The following ELMO1 variants were observed in gnomAD, a reference collection of about 807,000 sequenced individuals.
ELMO1 encodes the protein engulfment and cell motility protein 1.
Under a neutral mutation model 98.9 loss-of-function variants are expected in ELMO1, and 26 were observed. The ratio of observed to expected loss-of-function variants is 0.26; its 90% CI spans 0.19 to 0.36. The LOEUF (loss-of-function observed/expected upper bound fraction) is 0.36, where lower values mean the gene tolerates loss of function less well. ELMO1 is among the 10% of genes least tolerant of loss of function. The pLI, the probability that ELMO1 is intolerant of heterozygous loss-of-function variation, is 1.00. For synonymous variants in ELMO1, 346 were observed against 346.0 expected, an observed-to-expected ratio of 1.00 and a Z score of 0.00; for missense variants, 627 against 935.2, an observed-to-expected ratio of 0.67 and a Z score of 4.30.
chr7:37,026,543 G>A (rs931261897), intron 15 of ELMO1, among the ~76,000 whole-genome samples: 2 of 152,050 alleles, frequency 1.3e-5, no homozygotes, highest in Non-Finnish European at 2.9e-5. Flanking sequence ...CCTTAGCAAG[G>A]CATTCAACAC....
At chr7:37,170,621 T>A (rs1790086562) in intron 13 of ELMO1, among the ~76,000 whole-genome samples, 1 of 151,542 alleles carries the variant, frequency 6.6e-6, no homozygotes, top group Non-Finnish European at 1.5e-5. Context: ...CTTGCTTTTT[T>A]TTTTTTTTGT....
intron 13 of ELMO1, among the ~76,000 whole-genome samples, chr7:37,192,494 T>C (rs1791654152): frequency 1.4e-5 from 1 of 71,176 alleles, no homozygotes; most frequent in Non-Finnish European, 2.7e-5. Context: ...CAAGACTCCA[T>C]CTCAAAAAAA....
At chr7:37,166,324 T>C (rs978415556) in intron 13 of ELMO1, among the ~76,000 whole-genome samples, 1 of 152,224 alleles carries the variant, frequency 6.6e-6, no homozygotes, top group Non-Finnish European at 1.5e-5. Context: ...GCGTTTTTTG[T>C]GTCTCTATTT....
chr7:37,124,234 A>G (rs1427783468), intron 14 of ELMO1, among the ~76,000 whole-genome samples: 2 of 152,240 alleles, frequency 1.3e-5, no homozygotes. Flanking sequence ...CAAGACAGGG[A>G]TGCACTCTCT....
chr7:37,400,144 T>G (rs923756922), intron 1 of ELMO1, among the ~76,000 whole-genome samples: 1 of 152,206 alleles, frequency 6.6e-6, no homozygotes, highest in African/African-American at 2.4e-5. Flanking sequence ...GAGTTATACA[T>G]TGTAAATGAG....
At chr7:36,871,269 C>T (rs1158156972) in intron 19 of ELMO1, among the ~76,000 whole-genome samples, 1 of 152,206 alleles carries the variant, frequency 6.6e-6, no homozygotes, top group Non-Finnish European at 1.5e-5. Flanking sequence ...CAGTGAGTGG[C>T]TCATGCCTGT....
intron 15 of ELMO1, among the ~76,000 whole-genome samples, chr7:37,091,154 C>T (rs142077334): frequency 1.3e-5 from 2 of 152,126 alleles, no homozygotes; most frequent in African/African-American, 4.8e-5. Context: ...GTCACCCAGG[C>T]TGGAGTACAA....
intron 16 of ELMO1, among the ~76,000 whole-genome samples, chr7:36,928,242 A>G (rs1785736832): frequency 6.6e-6 from 1 of 152,172 alleles, no homozygotes; most frequent in South Asian, 2.1e-4. Flanking sequence ...GTCTCCTGCC[A>G]CCTGTACTTC....
At chr7:37,184,096 C>T (rs1160796096) in intron 13 of ELMO1, among the ~76,000 whole-genome samples, 1 of 151,710 alleles carries the variant, frequency 6.6e-6, no homozygotes, top group Non-Finnish European at 1.5e-5. Context: ...ACATCTGGTT[C>T]ATCTGAGAGC....
intron 4 of ELMO1, among the ~76,000 whole-genome samples, chr7:37,294,473 C>T (rs748165917): frequency 7.9e-5 from 12 of 152,170 alleles, no homozygotes; most frequent in South Asian, 2.1e-4. Flanking sequence ...CTGATAATTG[C>T]GGGTGGGACT....
chr7:37,314,798 G>T (rs574430603), intron 4 of ELMO1, 52 bp downstream of exon 4: 8 of 1,536,804 alleles, frequency 5.2e-6, no homozygotes, highest in African/African-American at 4.1e-5. Context: ...ACATCATCAT[G>T]ATTTACTTTC....
rs569147851 is a variant in ELMO1 at position 37,083,071 on chromosome 7, C to T, written c.1300+13548G>A. 1.4e-3 allele frequency among the ~76,000 whole-genome samples: 219 copies of T among 152,312 alleles called. 1 individual carries two copies. Among genetic ancestry groups the T allele is most frequent in the African/African-American group, 5.1e-3 (212 of 41,580 alleles). On this transcript the variant is annotated intron_variant, in intron 15 of 21. Transcript: ENST00000310758. ...CACCTGGACAATCCCAGCATTTCCC[C>T]GCCTAGGAACATGAGGACCATACAG...
chr7:37,126,324 TATATAAAAG>T (rs1786522538), intron 14 of ELMO1, among the ~76,000 whole-genome samples: 1 of 145,510 alleles, frequency 6.9e-6, no homozygotes, highest in South Asian at 2.1e-4. Flanking sequence ...TATATATATA[TATATAAAAG>T]AAAAGAAAAT....
intron 16 of ELMO1, among the ~76,000 whole-genome samples, chr7:36,952,043 G>T (rs1788005052): frequency 6.6e-6 from 1 of 152,200 alleles, no homozygotes; most frequent in African/African-American, 2.4e-5. Context: ...AAGCAGGGAG[G>T]ATGGTCTGGG....
intron 2 of ELMO1, among the ~76,000 whole-genome samples, chr7:37,317,041 G>T (rs749340169): frequency 6.6e-6 from 1 of 152,032 alleles, no homozygotes; most frequent in Admixed American, 6.5e-5. Context: ...CCCTCAGGCT[G>T]TTATAAAAAT....
chr7:37,204,194 T>C (rs1309596333), intron 13 of ELMO1: 1 of 456,286 alleles, frequency 2.2e-6, no homozygotes, highest in South Asian at 1.5e-5. Flanking sequence ...AATTGGTGGG[T>C]TCTTGGTCTT....
intron 1 of ELMO1, among the ~76,000 whole-genome samples, chr7:37,380,849 T>G (rs2131384766): frequency 6.6e-6 from 1 of 152,362 alleles, no homozygotes; most frequent in East Asian, 1.9e-4. Flanking sequence ...GAAGCTCATC[T>G]AACACTCATA....
At chr7:37,448,064 G>A (rs963712492) in intron 1 of ELMO1, among the ~76,000 whole-genome samples, 1 of 151,914 alleles carries the variant, frequency 6.6e-6, no homozygotes. Flanking sequence ...GAACCTCAGG[G>A]GCTCCCGGCT....
chr7:37,211,654 A>G, intron 12 of ELMO1, 137 bp from the exon 13 acceptor site: 1 of 1,205,970 alleles, frequency 8.3e-7, no homozygotes, highest in Non-Finnish European at 1.1e-6. Context: ...ATAAAAGAGA[A>G]CCAATGTTCT....
Sources: allele counts gnomAD v4.1 joint callset (sites outside exome capture counted in the v4.1 genomes callset), GRCh38; gene constraint gnomAD v4.1.1; transcripts MANE v1.5; gene names NCBI Gene and HGNC (gene_info 2026-07-23, HGNC 2026-07-21).